Variants in LARP4 observed in about 807,000 individuals in gnomAD.
The protein encoded by LARP4 is la-related protein 4.
A neutral mutation model predicts 92.9 loss-of-function variants in LARP4; 29 were observed. The ratio of observed to expected loss-of-function variants is 0.31; its 90% CI spans 0.23 to 0.43. The LOEUF is 0.43. Ranked by LOEUF, LARP4 falls within the 20% of genes least tolerant of loss-of-function variation. The pLI is 1.00. For missense variants in LARP4, 732 were observed against 860.0 expected, an observed-to-expected ratio of 0.85 and a Z score of 1.86; for synonymous variants, 279 against 284.1, an observed-to-expected ratio of 0.98 and a Z score of 0.18.
At chr12:50,406,616 A>T (rs1325713443) in intron 1 of LARP4, among the ~76,000 whole-genome samples, 2 of 152,144 alleles carry the variant, frequency 1.3e-5, no homozygotes, top group Non-Finnish European at 2.9e-5. Flanking sequence ...GGCTCAAGCA[A>T]TCTGGCCTCA....
intron 6 of LARP4, among the ~76,000 whole-genome samples, chr12:50,440,198 G>A (rs1354618058): frequency 6.6e-6 from 1 of 152,136 alleles, no homozygotes; most frequent in Non-Finnish European, 1.5e-5. Context: ...GCACTTTGGA[G>A]TGCTCAGGCG....
At chr12:50,458,329 A>G (rs976634405) in intron 10 of LARP4, among the ~76,000 whole-genome samples, 6 of 151,956 alleles carry the variant, frequency 3.9e-5, no homozygotes, top group African/African-American at 1.5e-4. Flanking sequence ...AGAGGGTTTC[A>G]CCATGTTGGC....
intron 4 of LARP4, among the ~76,000 whole-genome samples, chr12:50,433,241 A>G (rs370040349): frequency 6.7e-6 from 1 of 148,678 alleles, no homozygotes; most frequent in East Asian, 2.0e-4. Flanking sequence ...TGAAGCTTCC[A>G]CAGCTTTCCC....
At chr12:50,475,066 C>T (rs762121353) in intron 15 of LARP4, among the ~76,000 whole-genome samples, 1 of 152,154 alleles carries the variant, frequency 6.6e-6, no homozygotes, top group African/African-American at 2.4e-5. Flanking sequence ...ATGTTTTATT[C>T]TGTTCTCACA....
intron 12 of LARP4, among the ~76,000 whole-genome samples, chr12:50,464,987 G>A (rs1350327376): frequency 6.6e-6 from 1 of 151,792 alleles, no homozygotes; most frequent in Non-Finnish European, 1.5e-5. Context: ...ACTGCACTCA[G>A]CCCAACAATT....
At chr12:50,462,061 C>T (rs555217876) in intron 11 of LARP4, among the ~76,000 whole-genome samples, 1 of 152,230 alleles carries the variant, frequency 6.6e-6, no homozygotes, top group East Asian at 1.9e-4. Context: ...CAAATGGGCT[C>T]ATCTTACTTT....
At chr12:50,436,097 C>T (rs1262167915) in intron 5 of LARP4, among the ~76,000 whole-genome samples, 4 of 109,194 alleles carry the variant, frequency 3.7e-5, no homozygotes, top group Admixed American at 9.9e-5. Context: ...GTGTGTATCC[C>T]GCTGGTGTGT....
chr12:50,431,993 C>T (rs1393025126), intron 4 of LARP4, among the ~76,000 whole-genome samples: 5 of 152,034 alleles, frequency 3.3e-5, no homozygotes, highest in Non-Finnish European at 7.4e-5. Flanking sequence ...CAAAAATTAG[C>T]GGGGTGTGGT....
rs751836973 is a variant in LARP4, at chr12:50,461,204, T to C, written c.1191T>C (p.Asp397=). The C allele has an allele frequency of 6.2e-6, 10 of 1,614,080 alleles. No homozygotes were observed. The African/African-American group carries it at 6.7e-5, about 11-fold the overall frequency. Residue 397 remains aspartate (D), a synonymous_variant, in exon 11 of 16, where the codon GAT becomes GAC. Coordinates refer to ENST00000398473, the MANE Select transcript of LARP4 (RefSeq NM_052879.5). The stretch of plus-strand genomic sequence containing the variant: ...CAGAGGGCTCTGTATCCTTGGGGGA[T>C]GGACAGTTGAACAGATATAGTTCAA... ...HSTEGSVSLG[D]GQLNRYSSRN...
At chr12:50,418,332 G>A (rs910938643) in intron 1 of LARP4, among the ~76,000 whole-genome samples, 2 of 152,048 alleles carry the variant, frequency 1.3e-5, no homozygotes, top group East Asian at 1.9e-4. Context: ...ATAGAGAAGC[G>A]GAAGGATTAC....
At chr12:50,471,043 C>T (rs2139086158) in intron 13 of LARP4, among the ~76,000 whole-genome samples, 1 of 152,226 alleles carries the variant, frequency 6.6e-6, no homozygotes, top group South Asian at 2.1e-4. Context: ...AATCCCAGCA[C>T]TTCGGGAGGC....
chr12:50,411,653 G>A (rs1945920705), intron 1 of LARP4, among the ~76,000 whole-genome samples: 1 of 150,972 alleles, frequency 6.6e-6, no homozygotes, highest in South Asian at 2.1e-4. Flanking sequence ...GTAATCTGGC[G>A]GCTATTTTCT....
chr12:50,452,673 AT>A (rs1953439516), intron 8 of LARP4, among the ~76,000 whole-genome samples: 1 of 151,934 alleles, frequency 6.6e-6, no homozygotes, highest in South Asian at 2.1e-4. Flanking sequence ...TTCTTTGATG[AT>A]TAGTGATTTT....
At chr12:50,405,076 T>G (rs1592701278) in intron 1 of LARP4, among the ~76,000 whole-genome samples, 1 of 151,734 alleles carries the variant, frequency 6.6e-6, no homozygotes, top group African/African-American at 2.4e-5. Flanking sequence ...TTTTCCTGAT[T>G]TTTAGTAGAC....
intron 1 of LARP4, 92 bp downstream of exon 1, chr12:50,401,120 G>A: frequency 2.7e-6 from 4 of 1,456,044 alleles, no homozygotes; most frequent in South Asian, 2.3e-5. Flanking sequence ...TTTCCGGGCC[G>A]TACACGCCGC....
Position 50,427,765 on chromosome 12 carries a change from G to A in LARP4, c.22G>A (p.Val8Ile). Residue 8 changes from valine (V) to isoleucine (I), a missense_variant, in exon 2 of 16, where the codon GTA becomes ATA. By Grantham distance (29) the Val-to-Ile change is conservative. Around this residue, in one of 7 missense-constraint regions of LARP4, gnomAD observed 236 missense variants for 307.6 expected, o/e 0.77. Transcript: ENST00000398473. Reference protein sequence around the residue: MLLFVEQVASKGTGLNPN... With the variant: MLLFVEQIASKGTGLNPN... Reference sequence around the variant, plus strand: ...AATAGATCCTTCGATTATTTAGCAGGTAGCATCTAAAGGAACTGGTTTAAA... The same window carrying A: ...AATAGATCCTTCGATTATTTAGCAGATAGCATCTAAAGGAACTGGTTTAAA... The A allele has an allele frequency of 6.5e-7, 1 of 1,528,638 alleles. No individual in the cohort carries two copies. Among genetic ancestry groups the A allele is most frequent in the Non-Finnish European group, 8.9e-7 (1 of 1,128,006 alleles). The allele number at this position is 1,528,638 out of a possible 1,614,324, so 94.7% of individuals were successfully genotyped here.
chr12:50,476,404 A>C lies in LARP4; in HGVS notation c.*540A>C, dbSNP rs1250370884. The C allele has an allele frequency of 6.6e-6, 1 of 152,570 alleles. No individual in the cohort carries two copies. The highest frequency in any genetic ancestry group is 1.5e-5 in the Non-Finnish European group (1 of 68,026). The allele number at this position is 152,570 out of a possible 1,614,324, so 9.5% of individuals were successfully genotyped here. A position where few individuals can be genotyped will look rare whatever the true frequency, so the allele number is the denominator to read the frequency against. ...GCCTGTTGTGGGTGTGAGTGTGTAC[A>C]AGAGCGATTGAAGCCAAATCTGTTG... On this transcript the variant is annotated 3_prime_UTR_variant, in exon 16 of 16. Transcript: ENST00000398473.
chr12:50,446,409 CTATATA>C (rs1158579462), intron 8 of LARP4, among the ~76,000 whole-genome samples: 3 of 3,622 alleles, frequency 8.3e-4, no homozygotes, highest in Non-Finnish European at 6.9e-4. Flanking sequence ...CTCTCTCTCT[CTATATA>C]TATATATATA....
At chr12:50,425,285 A>G (rs576432948) in intron 1 of LARP4, among the ~76,000 whole-genome samples, 3 of 152,280 alleles carry the variant, frequency 2.0e-5, no homozygotes, top group African/African-American at 7.2e-5. Context: ...TTTTTCATGT[A>G]TAGATCTTAT....
Sources: gnomAD v4.1 joint callset for allele counts (sites outside exome capture counted in the v4.1 genomes callset) on GRCh38, gnomAD v4.1.1 for gene constraint, gnomAD v4.1.1 regional missense constraint, MANE v1.5 for transcripts, NCBI Gene and HGNC (gene_info 2026-07-23, HGNC 2026-07-21) for gene names.